ENPEP: variants seen among roughly 807,000 people sequenced by gnomAD.
ENPEP encodes AP-A.
ENPEP carries 103 observed loss-of-function variants against 114.5 expected under a neutral mutation model. That is an observed-to-expected ratio of 0.90 (90% CI 0.77 to 1.06). The LOEUF (loss-of-function observed/expected upper bound fraction) is 1.06, where lower values mean the gene tolerates loss of function less well. Ranked by LOEUF, ENPEP falls within the 50% of genes least tolerant of loss-of-function variation. The pLI is 0.00. For missense variants in ENPEP, 1,196 were observed against 1,161.3 expected, an observed-to-expected ratio of 1.03 and a Z score of -0.43; for synonymous variants, 420 against 422.0, an observed-to-expected ratio of 1.00 and a Z score of 0.06.
intron 11 of ENPEP, among the ~76,000 whole-genome samples, chr4:110,532,355 G>T (rs1726439377): frequency 6.6e-6 from 1 of 152,122 alleles, no homozygotes; most frequent in African/African-American, 2.4e-5. Flanking sequence ...ATAAATAAAA[G>T]TGTATATGCA....
intron 10 of ENPEP, among the ~76,000 whole-genome samples, chr4:110,526,623 T>C (rs1332039290): frequency 6.6e-6 from 1 of 151,954 alleles, no homozygotes; most frequent in Non-Finnish European, 1.5e-5. Context: ...ATTTTGAAAA[T>C]AGTATGCAAA....
intron 1 of ENPEP, among the ~76,000 whole-genome samples, chr4:110,478,581 T>A (rs1234113157): frequency 6.6e-6 from 1 of 152,218 alleles, no homozygotes; most frequent in Non-Finnish European, 1.5e-5. Context: ...AAGTTCCCCT[T>A]ATTCTTACAT....
In ENPEP at chr4:110,477,051, C is replaced by A; in HGVS notation, c.637C>A (p.Gln213Lys). The A allele has an allele frequency of 6.2e-7, 1 of 1,611,318 alleles. No individual in the cohort carries two copies. The highest frequency in any genetic ancestry group is 8.5e-7 in the Non-Finnish European group (1 of 1,178,068). Residue 213 changes from glutamine (Q) to lysine (K), a missense_variant, in exon 1 of 20, where the codon CAA becomes AAA. By Grantham distance (53) the Gln-to-Lys change is moderately conservative. Transcript: ENST00000265162. Reference protein sequence around the residue: ...FYRTTYTENGQVKSIVATDHE... With the variant: ...FYRTTYTENGKVKSIVATDHE... ...TAGAACCACCTACACGGAGAACGGA[C>A]AAGTCAAGTAAATATTAATTTTTGC...
intron 3 of ENPEP, among the ~76,000 whole-genome samples, chr4:110,494,974 ACACC>A (rs1376760017): frequency 6.6e-6 from 1 of 152,180 alleles, no homozygotes; most frequent in Non-Finnish European, 1.5e-5. Flanking sequence ...ACAAGTGGAC[ACACC>A]CTGAACTGTG....
At chr4:110,552,589 A>G (rs560728789) in intron 17 of ENPEP, among the ~76,000 whole-genome samples, 2 of 152,262 alleles carry the variant, frequency 1.3e-5, no homozygotes, top group South Asian at 4.1e-4. Context: ...CATCTAATCT[A>G]TCAGTAGTAG....
intron 13 of ENPEP, among the ~76,000 whole-genome samples, chr4:110,545,926 G>T (rs1026988087): frequency 1.6e-4 from 25 of 152,078 alleles, no homozygotes; most frequent in Middle Eastern, 3.4e-3. Flanking sequence ...TCATCTTTTA[G>T]ATTTCTCAGG....
intron 8 of ENPEP, chr4:110,515,890 G>C (rs1725746856): frequency 2.3e-6 from 1 of 442,038 alleles, no homozygotes; most frequent in African/African-American, 2.0e-5. Flanking sequence ...ATAGCAGAGA[G>C]AGAGAGAGGG....
At chr4:110,519,253 G>T (rs1725893833) in intron 8 of ENPEP, 1 of 329,408 alleles carries the variant, frequency 3.0e-6, no homozygotes, top group Non-Finnish European at 6.2e-6. Context: ...AGCACCTACT[G>T]AAAATTATAG....
rs963360312 is a variant in ENPEP, at chr4:110,542,689, A to T, written c.1808-62A>T. 2.1e-6 allele frequency: 3 copies of T among 1,456,640 alleles called. No homozygotes were observed. The Admixed American group carries it at 7.1e-5, about 34-fold the overall frequency. 90.2% of individuals were successfully genotyped at this position (1,456,640 alleles called of 1,614,324 possible). A position where few individuals can be genotyped will look rare whatever the true frequency, so the allele number is the denominator to read the frequency against. On this transcript the variant is annotated intron_variant, in intron 11 of 19. Transcript: ENST00000265162. ...ATTTTCTTTTTGCCCTCTGGGTCTA[A>T]TTTCTCTGTGTTGACAGTGCATGCA...
chr4:110,525,951 G>A (rs1306164584), intron 10 of ENPEP, among the ~76,000 whole-genome samples: 1 of 152,012 alleles, frequency 6.6e-6, no homozygotes, highest in Non-Finnish European at 1.5e-5. Flanking sequence ...GAGCAAATTG[G>A]TGTGGGGAAG....
At chr4:110,478,187 T>C (rs1724185758) in intron 1 of ENPEP, among the ~76,000 whole-genome samples, 2 of 152,342 alleles carry the variant, frequency 1.3e-5, no homozygotes, top group South Asian at 2.1e-4. Context: ...ATTCTTTCTA[T>C]TGTTTGTCAG....
intron 6 of ENPEP, chr4:110,512,944 G>C (rs1725631563): frequency 6.5e-6 from 1 of 153,028 alleles, no homozygotes; most frequent in Non-Finnish European, 1.5e-5. Flanking sequence ...AGGATAAACT[G>C]CCAATATTTT....
chr4:110,509,600 T>C, intron 4 of ENPEP, 53 bp from the exon 5 acceptor site: 2 of 1,561,546 alleles, frequency 1.3e-6, no homozygotes, highest in Non-Finnish European at 1.7e-6. Flanking sequence ...TAAGAAAAGC[T>C]ATGAACAAAT....
At chr4:110,494,602 C>T (rs531956518) in intron 3 of ENPEP, among the ~76,000 whole-genome samples, 1 of 152,232 alleles carries the variant, frequency 6.6e-6, no homozygotes, top group African/African-American at 2.4e-5. Flanking sequence ...GAATCAATGC[C>T]TGCATTCTTA....
chr4:110,540,453 T>C (rs576379995), intron 11 of ENPEP, among the ~76,000 whole-genome samples: 2 of 152,318 alleles, frequency 1.3e-5, no homozygotes, highest in East Asian at 3.9e-4. Context: ...GAAGGAAACA[T>C]ACAGTATATT....
chr4:110,514,309 A>G (rs1194377640), intron 7 of ENPEP, among the ~76,000 whole-genome samples: 3 of 152,124 alleles, frequency 2.0e-5, no homozygotes, highest in Non-Finnish European at 4.4e-5. Flanking sequence ...AGTCAAAAAT[A>G]TTATAATTAT....
chr4:110,556,515 T>C (rs949763093), intron 18 of ENPEP, among the ~76,000 whole-genome samples: 3 of 152,216 alleles, frequency 2.0e-5, no homozygotes, highest in East Asian at 1.9e-4. Context: ...CCAATCCCTA[T>C]ATGTTGGACA....
intron 18 of ENPEP, among the ~76,000 whole-genome samples, chr4:110,554,842 A>G (rs149573545): frequency 6.6e-6 from 1 of 152,154 alleles, no homozygotes; most frequent in African/African-American, 2.4e-5. Flanking sequence ...CTATGAAAAG[A>G]CAAGTAAATA....
chr4:110,561,484 A>G lies in ENPEP; in HGVS notation c.2800A>G (p.Asn934Asp). ...PREQVLETVK[N>D]NIEWLKQHRN... ...GGAACAAGTGCTGGAAACAGTGAAA[A>G]ACAATATAGAGTGGCTAAAACAACA... The change falls in exon 20 of 20, where the codon AAC (asparagine) becomes GAC (aspartate). Residue 934 changes from asparagine to aspartate, a missense_variant. Transcript: ENST00000265162. 6.2e-7 allele frequency: 1 copy of G among 1,614,064 alleles called. No individual in the cohort carries two copies. The highest frequency in any genetic ancestry group is 8.5e-7 in the Non-Finnish European group (1 of 1,179,978).
Sources: allele counts gnomAD v4.1 joint callset (sites outside exome capture counted in the v4.1 genomes callset), GRCh38; gene constraint gnomAD v4.1.1; transcripts MANE v1.5; gene names NCBI Gene and HGNC (gene_info 2026-07-23, HGNC 2026-07-21).